Variants in METTL15 observed in about 807,000 individuals in gnomAD.
The protein encoded by METTL15 is 12S rRNA N(4)-cytidine methyltransferase METTL15.
A neutral mutation model predicts 38.3 loss-of-function variants in METTL15; 34 were observed. The ratio of observed to expected loss-of-function variants is 0.89; its 90% CI spans 0.68 to 1.18. METTL15 has a LOEUF of 1.18. Ranked by LOEUF, METTL15 falls within the 50% of genes most tolerant of loss-of-function variation. The pLI is 0.00. For missense variants in METTL15, 438 were observed against 498.4 expected (o/e 0.88, Z 1.15); for synonymous variants, 162 against 170.9 (o/e 0.95, Z 0.41).
At chr11:28,316,643 G>A (rs1458145117) in intron 6 of METTL15, among the ~76,000 whole-genome samples, 1 of 152,148 alleles carries the variant, frequency 6.6e-6, no homozygotes, top group Non-Finnish European at 1.5e-5. Flanking sequence ...TTGGCTCTGT[G>A]TCCCCACCCA....
At chr11:28,400,487 C>T (rs936633035) in intron 5 of METTL15, among the ~76,000 whole-genome samples, 1 of 151,960 alleles carries the variant, frequency 6.6e-6, no homozygotes, top group Non-Finnish European at 1.5e-5. Flanking sequence ...ACTCTTCCAG[C>T]TGCTTTCTGA....
At chr11:28,197,308 A>G in intron 3 of METTL15, 1 of 193,840 alleles carries the variant, frequency 5.2e-6, no homozygotes, top group Non-Finnish European at 1.1e-5. Flanking sequence ...GCCATAAAAT[A>G]TCTTTTGTAT....
chr11:28,231,551 A>C (rs955264573), intron 4 of METTL15, among the ~76,000 whole-genome samples: 43 of 151,914 alleles, frequency 2.8e-4, no homozygotes, highest in African/African-American at 9.9e-4. Context: ...TTACCACAGG[A>C]GGCCATTGAG....
chr11:28,114,253 C>T (rs1278219048), intron 3 of METTL15, among the ~76,000 whole-genome samples: 1 of 152,036 alleles, frequency 6.6e-6, no homozygotes, highest in Non-Finnish European at 1.5e-5. Context: ...TTTTTATCTG[C>T]CTTCTTTTAC....
intron 4 of METTL15, among the ~76,000 whole-genome samples, chr11:28,285,757 A>G (rs1856235280): frequency 6.6e-6 from 1 of 152,136 alleles, no homozygotes; most frequent in Non-Finnish European, 1.5e-5. Context: ...GCTAGCAATA[A>G]TCAGAGCTGT....
At chr11:28,299,021 C>A (rs1565235454) in intron 6 of METTL15, among the ~76,000 whole-genome samples, 1 of 152,070 alleles carries the variant, frequency 6.6e-6, no homozygotes, top group Non-Finnish European at 1.5e-5. Flanking sequence ...TGAGTGAAAA[C>A]ATCATATAAT....
At chr11:28,383,371 G>A (rs189363282) in intron 5 of METTL15, among the ~76,000 whole-genome samples, 1 of 152,200 alleles carries the variant, frequency 6.6e-6, no homozygotes, top group East Asian at 1.9e-4. Flanking sequence ...TATCATTGAT[G>A]GGCATTGAGT....
At chr11:28,172,742 A>G (rs78938852) in intron 3 of METTL15, among the ~76,000 whole-genome samples, 3,387 of 152,314 alleles carry the variant, frequency 0.022, 114 homozygotes, top group African/African-American at 0.076. Flanking sequence ...AGCTGAGAAC[A>G]GTTTTTGTAT....
chr11:28,120,332 A>AT (rs1319668483), intron 3 of METTL15, among the ~76,000 whole-genome samples: 1 of 127,070 alleles, frequency 7.9e-6, no homozygotes, highest in East Asian at 2.3e-4. Flanking sequence ...TCCCTCTGTT[A>AT]TTTTTTAAAA....
chr11:28,139,549 G>T (rs903278269), intron 3 of METTL15, among the ~76,000 whole-genome samples: 4 of 152,076 alleles, frequency 2.6e-5, no homozygotes, highest in African/African-American at 4.8e-5. Flanking sequence ...CCTTTCCTCT[G>T]CTGTCAGTAA....
chr11:28,507,977 C>T (rs1006043784), intron 6 of METTL15, among the ~76,000 whole-genome samples: 6 of 152,154 alleles, frequency 3.9e-5, no homozygotes, highest in Admixed American at 6.5e-5. Context: ...CAGTGGTTTC[C>T]CAGCCCATTA....
At chr11:28,513,537 G>A (rs1003101411) in intron 6 of METTL15, among the ~76,000 whole-genome samples, 7 of 152,168 alleles carry the variant, frequency 4.6e-5, no homozygotes, top group African/African-American at 1.7e-4. Context: ...ACCCAGAGGT[G>A]CTAGAGGAAT....
chr11:28,222,492 T>G (rs1416268774), intron 4 of METTL15, among the ~76,000 whole-genome samples: 1 of 152,220 alleles, frequency 6.6e-6, no homozygotes, highest in Non-Finnish European at 1.5e-5. Context: ...CCTGACCCCT[T>G]GCACTTCTGG....
At chr11:28,442,931 A>G (rs554593208) in intron 6 of METTL15, among the ~76,000 whole-genome samples, 20 of 152,360 alleles carry the variant, frequency 1.3e-4, no homozygotes, top group African/African-American at 4.8e-4. Context: ...ATGCAGAAAT[A>G]TGAAAAATGA....
intron 4 of METTL15, among the ~76,000 whole-genome samples, chr11:28,218,796 T>C (rs1188558588): frequency 6.6e-6 from 1 of 152,200 alleles, no homozygotes; most frequent in Non-Finnish European, 1.5e-5. Flanking sequence ...CAAAGGCCTT[T>C]TCTGCATGTA....
At chr11:28,120,715 C>T (rs1055659136) in intron 3 of METTL15, among the ~76,000 whole-genome samples, 1 of 152,088 alleles carries the variant, frequency 6.6e-6, no homozygotes, top group Non-Finnish European at 1.5e-5. Context: ...CTTCTGTGCC[C>T]TTATACTTGC....
At chr11:28,121,082 G>A (rs1042044556) in intron 3 of METTL15, among the ~76,000 whole-genome samples, 1 of 152,070 alleles carries the variant, frequency 6.6e-6, no homozygotes, top group Non-Finnish European at 1.5e-5. Context: ...AATTATTGTT[G>A]ACTGTTACCC....
intron 4 of METTL15, among the ~76,000 whole-genome samples, chr11:28,234,435 T>C (rs1853843727): frequency 6.6e-6 from 1 of 151,186 alleles, no homozygotes; most frequent in East Asian, 2.0e-4. Flanking sequence ...TGTAAAAGTG[T>C]TCCTATTTCT....
At chr11:28,423,993 A>C (rs781355815) in intron 5 of METTL15, among the ~76,000 whole-genome samples, 58 of 152,248 alleles carry the variant, frequency 3.8e-4, no homozygotes, top group Non-Finnish European at 6.3e-4. Context: ...TTATGTACTC[A>C]TAAAACTTTT....
Sources: gnomAD v4.1 joint callset for allele counts (sites outside exome capture counted in the v4.1 genomes callset) on GRCh38, gnomAD v4.1.1 for gene constraint, MANE v1.5 for transcripts, NCBI Gene and HGNC (gene_info 2026-07-23, HGNC 2026-07-21) for gene names.